Variants in GPC6 observed in about 807,000 individuals in gnomAD.
GPC6 encodes the protein glypican 6.
In GPC6, 14 loss-of-function variants were observed where a neutral mutation model predicts 55.2. That is an observed-to-expected ratio of 0.25 (90% CI 0.17 to 0.40). The LOEUF is 0.40. GPC6 is among the 10% of genes least tolerant of loss of function. The probability of loss-of-function intolerance (pLI) is 1.00; values close to 1 mark genes in which losing one functional copy is unlikely to be tolerated. For synonymous variants in GPC6, 278 were observed against 259.6 expected (o/e 1.07, Z -0.68); for missense variants, 641 against 708.5 (o/e 0.90, Z 1.08).
chr13:94,094,712 G>A (rs9524330), intron 4 of GPC6, among the ~76,000 whole-genome samples: 26,089 of 152,042 alleles, frequency 0.17, 2,819 homozygotes, highest in South Asian at 0.26. Context: ...GAACCAGGAA[G>A]TTCATAAGAT....
intron 2 of GPC6, among the ~76,000 whole-genome samples, chr13:93,731,133 G>A (rs903468561): frequency 6.6e-6 from 1 of 152,126 alleles, no homozygotes; most frequent in Non-Finnish European, 1.5e-5. Flanking sequence ...GATTGTAGGG[G>A]TGCTCATTCC....
intron 1 of GPC6, among the ~76,000 whole-genome samples, chr13:93,494,913 C>T (rs1192590324): frequency 1.4e-5 from 2 of 147,958 alleles, no homozygotes; most frequent in Non-Finnish European, 3.0e-5. Context: ...TGATGGGCTT[C>T]CCTTTGAGGG....
At chr13:93,823,731 A>G (rs1369418288) in intron 2 of GPC6, among the ~76,000 whole-genome samples, 1 of 152,126 alleles carries the variant, frequency 6.6e-6, no homozygotes, top group East Asian at 1.9e-4. Context: ...GAGGGGAGGG[A>G]CATTTACTTG....
chr13:94,319,369 T>A (rs1347811329), intron 6 of GPC6, among the ~76,000 whole-genome samples: 1 of 152,196 alleles, frequency 6.6e-6, no homozygotes, highest in Non-Finnish European at 1.5e-5. Flanking sequence ...TTCTGATAAT[T>A]CTCCTCCCAA....
chr13:93,805,474 T>G (rs984304510), intron 2 of GPC6, among the ~76,000 whole-genome samples: 1 of 152,134 alleles, frequency 6.6e-6, no homozygotes, highest in African/African-American at 2.4e-5. Context: ...TTTAAAAGAT[T>G]ATTATATTTT....
chr13:93,354,235 C>T lies in GPC6; in HGVS notation c.160+126619C>T, dbSNP rs1377226383. Among the ~76,000 whole-genome samples, 3 of 151,972 alleles carry T rather than the reference C, an allele frequency of 2.0e-5. No homozygotes were observed. In the South Asian group the frequency reaches 6.2e-4, roughly 31 times the overall value. On this transcript the variant is annotated intron_variant, in intron 1 of 8. Coordinates refer to ENST00000377047, the MANE Select transcript of GPC6 (RefSeq NM_005708.5). ...GCGACTAGCAATACAGGATGATGTA[C>T]TGATCGGTGGCTGAGTTGTTCATGG...
chr13:93,402,210 C>A (rs1245096290), intron 1 of GPC6, among the ~76,000 whole-genome samples: 1 of 152,094 alleles, frequency 6.6e-6, no homozygotes, highest in South Asian at 2.1e-4. Context: ...GAACCTGGGT[C>A]TTCTGACTCC....
Position 93,652,566 on chromosome 13 carries a change from A to G in GPC6, c.319+107145A>G, listed in dbSNP as rs570227671. The stretch of plus-strand genomic sequence containing the variant: ...TAGAAACAGTGGCTTTTGAGTTTTC[A>G]ACTCTGTCCCCTTCTATCCTGCAAT... On this transcript the variant is annotated intron_variant, in intron 2 of 8. Transcript: ENST00000377047. Among the ~76,000 whole-genome samples the G allele has an allele frequency of 5.9e-5, 9 of 152,286 alleles. 1 individual carries two copies. The South Asian group carries it at 1.9e-3, about 32-fold the overall frequency.
chr13:93,961,431 C>G (rs1013087450), intron 3 of GPC6, among the ~76,000 whole-genome samples: 1 of 152,184 alleles, frequency 6.6e-6, no homozygotes, highest in Non-Finnish European at 1.5e-5. Context: ...CATGAAAAAT[C>G]AGTATTTCCA....
chr13:94,324,035 G>A (rs1301441702), intron 6 of GPC6, among the ~76,000 whole-genome samples: 4 of 152,116 alleles, frequency 2.6e-5, no homozygotes, highest in Admixed American at 2.6e-4. Flanking sequence ...CATTGTTGTC[G>A]AATAAAGTTA....
Position 93,716,012 on chromosome 13 carries a change from G to C in GPC6, c.320-114142G>C, listed in dbSNP as rs561699161. ...ATGGTGGTACCATAAGATTATAAAA[G>C]AGCTGAAACTTTCGTATCCCCTCGT... is the stretch of plus-strand genomic sequence containing the variant. On this transcript the variant is annotated intron_variant, in intron 2 of 8. Coordinates refer to ENST00000377047, the MANE Select transcript of GPC6 (RefSeq NM_005708.5). Among the ~76,000 whole-genome samples the C allele has an allele frequency of 4.5e-3, 679 of 151,676 alleles. 6 individuals are homozygous for C. Among genetic ancestry groups the C allele is most frequent in the African/African-American group, 0.015 (624 of 41,450 alleles).
chr13:94,398,814 G>A (rs935726542), intron 8 of GPC6, among the ~76,000 whole-genome samples, 173 bp downstream of exon 8: 1 of 152,142 alleles, frequency 6.6e-6, no homozygotes, highest in South Asian at 2.1e-4. Context: ...ACAAAACATA[G>A]GATACGAATA....
intron 2 of GPC6, among the ~76,000 whole-genome samples, chr13:93,789,606 T>TAATACTACATATATATATAATACTAC (rs1555331675): frequency 3.8e-4 from 7 of 18,234 alleles, no homozygotes; most frequent in African/African-American, 8.6e-4. Context: ...TACATATATA[T>TAATACTACATATATATATAATACTAC]ATATATATAT....
At chr13:93,691,445 T>G (rs932927263) in intron 2 of GPC6, among the ~76,000 whole-genome samples, 1 of 150,360 alleles carries the variant, frequency 6.7e-6, no homozygotes, top group Non-Finnish European at 1.5e-5. Flanking sequence ...AAAGGAAAAT[T>G]TGGCTTCTTC....
chr13:93,472,840 G>T (rs1444256012), intron 1 of GPC6, among the ~76,000 whole-genome samples: 1 of 152,194 alleles, frequency 6.6e-6, no homozygotes, highest in East Asian at 1.9e-4. Flanking sequence ...TGAAGGGTGA[G>T]CAAGACAAGA....
intron 3 of GPC6, among the ~76,000 whole-genome samples, chr13:93,980,792 T>A (rs1880768374): frequency 6.6e-6 from 1 of 152,136 alleles, no homozygotes; most frequent in Non-Finnish European, 1.5e-5. Flanking sequence ...GGATTTACTG[T>A]GTGGTGCTCT....
chr13:93,311,864 G>A (rs1316463948), intron 1 of GPC6, among the ~76,000 whole-genome samples: 2 of 152,126 alleles, frequency 1.3e-5, no homozygotes, highest in Admixed American at 1.3e-4. Context: ...TCGCCTGGAT[G>A]TCGGTTAACT....
intron 1 of GPC6, among the ~76,000 whole-genome samples, chr13:93,406,003 A>T (rs1876278289): frequency 6.6e-6 from 1 of 150,620 alleles, no homozygotes; most frequent in Admixed American, 6.7e-5. Context: ...CTGCAGTGTT[A>T]GCACAGAAGG....
intron 1 of GPC6, among the ~76,000 whole-genome samples, chr13:93,283,276 C>A (rs1456017364): frequency 7.2e-5 from 11 of 152,042 alleles, no homozygotes; most frequent in Admixed American, 2.6e-4. Context: ...AGGAATGATT[C>A]TTTTTTTCTC....
Sources: gnomAD v4.1 joint callset for allele counts (sites outside exome capture counted in the v4.1 genomes callset) on GRCh38, gnomAD v4.1.1 for gene constraint, MANE v1.5 for transcripts, NCBI Gene and HGNC (gene_info 2026-07-23, HGNC 2026-07-21) for gene names.